The following PRPF6 variants were observed in gnomAD, a reference collection of about 807,000 sequenced individuals.
PRPF6 encodes pre-mRNA-processing factor 6.
PRPF6 carries 42 observed loss-of-function variants against 118.3 expected under a neutral mutation model. That is an observed-to-expected ratio of 0.35 (90% CI 0.28 to 0.46). The LOEUF (loss-of-function observed/expected upper bound fraction) is 0.46. Among genes scored for constraint, PRPF6 ranks in the 20% least tolerant of loss-of-function variants. The pLI is 1.00. For synonymous variants in PRPF6, 481 were observed against 485.1 expected (o/e 0.99, Z 0.11); for missense variants, 662 against 1,255.7 (o/e 0.53, Z 7.15).
intron 12 of PRPF6, 87 bp from the exon 13 acceptor site, chr20:64,022,670 G>C (rs73153145): frequency 0.048 from 75,798 of 1,575,460 alleles, 2,086 homozygotes; most frequent in Non-Finnish European, 0.056. Flanking sequence ...TCATCTTTCA[G>C]AATCGTATGA....
chr20:64,004,476 T>C lies in PRPF6; in HGVS notation c.1186+3237T>C, dbSNP rs1028214114. Among the ~76,000 whole-genome samples the C allele has an allele frequency of 2.6e-5, 4 of 152,226 alleles. No homozygotes were observed. In the East Asian group the frequency reaches 5.8e-4, roughly 22 times the overall value. On this transcript the variant is annotated intron_variant, in intron 9 of 20. Transcript: ENST00000266079. Reference sequence around the variant, plus strand: ...AAGGGTCTGGTTTTTGAAATTAAGATGACAGCTACTTCCACTGGTGACTTA... The same window carrying C: ...AAGGGTCTGGTTTTTGAAATTAAGACGACAGCTACTTCCACTGGTGACTTA...
intron 1 of PRPF6, 24 bp from the exon 2 acceptor site, chr20:63,983,023 C>T (rs770259432): frequency 2.3e-5 from 37 of 1,612,338 alleles, no homozygotes; most frequent in Admixed American, 1.5e-4. Flanking sequence ...TTCAGACACC[C>T]GGTGTCTTGG....
chr20:64,015,621 C>T (rs2059233294), intron 11 of PRPF6, among the ~76,000 whole-genome samples: 2 of 152,194 alleles, frequency 1.3e-5, no homozygotes, highest in African/African-American at 4.8e-5. Flanking sequence ...ATATATTTGT[C>T]ACATGAATGC....
intron 3 of PRPF6, among the ~76,000 whole-genome samples, chr20:63,987,392 A>G (rs989316681): frequency 5.3e-5 from 8 of 151,814 alleles, no homozygotes; most frequent in Admixed American, 4.6e-4. Context: ...CTATAATTTC[A>G]GCTACTCAGG....
At chr20:63,989,861 A>G (rs1202551686) in intron 3 of PRPF6, among the ~76,000 whole-genome samples, 2 of 152,070 alleles carry the variant, frequency 1.3e-5, no homozygotes, top group Non-Finnish European at 2.9e-5. Flanking sequence ...TGTATGTAGA[A>G]TGTTTTATTT....
intron 20 of PRPF6, 132 bp downstream of exon 20, chr20:64,032,176 G>T (rs1010816122): frequency 7.1e-7 from 1 of 1,414,110 alleles, no homozygotes; most frequent in Admixed American, 1.8e-5. Flanking sequence ...TGGACCGGGT[G>T]TGTGGGGCAC....
At chr20:64,009,006 C>T (rs900020146) in intron 9 of PRPF6, among the ~76,000 whole-genome samples, 4 of 151,902 alleles carry the variant, frequency 2.6e-5, no homozygotes, top group Non-Finnish European at 5.9e-5. Context: ...TATTTTAGGT[C>T]GGGCGTGGTG....
chr20:64,024,806 G>T (rs1250522763), intron 14 of PRPF6, 113 bp downstream of exon 14: 2 of 1,450,868 alleles, frequency 1.4e-6, no homozygotes, highest in Non-Finnish European at 1.9e-6. Flanking sequence ...TGTTGTTGGG[G>T]TGCACTGGAG....
chr20:64,004,049 A>G (rs2123034743), intron 9 of PRPF6, among the ~76,000 whole-genome samples: 1 of 152,340 alleles, frequency 6.6e-6, no homozygotes, highest in East Asian at 1.9e-4. Context: ...GTTTACTTAG[A>G]AAAGCTCTAT....
intron 12 of PRPF6, among the ~76,000 whole-genome samples, chr20:64,018,005 C>G (rs137856082): frequency 7.4e-4 from 112 of 152,308 alleles, no homozygotes; most frequent in African/African-American, 2.6e-3. Flanking sequence ...GAGTTTGAAA[C>G]CAGCCTGGGC....
chr20:64,001,979 G>A (rs1190455265), intron 9 of PRPF6, among the ~76,000 whole-genome samples: 1 of 150,486 alleles, frequency 6.6e-6, no homozygotes, highest in Non-Finnish European at 1.5e-5. Flanking sequence ...TGTGCAGGTG[G>A]CTTCTTTTTT....
At position 64,028,430 on chromosome 20, in the gene PRPF6, G is replaced by T. The variant is rs1370833087; in HGVS notation, c.2340-48G>T. ...GGCTTCCCAGAAGCTACCAGAATAT[G>T]TGCTGTTGGTAGACGGCTGTGGGAC... On this transcript the variant is annotated intron_variant, in intron 17 of 20. Transcript: ENST00000266079. The surrounding 1 kb of genome is among the most constrained non-coding windows in gnomAD (Gnocchi z 6.5). 6.3e-7 allele frequency: 1 copy of T among 1,588,996 alleles called. No individual in the cohort carries two copies. Among genetic ancestry groups the T allele is most frequent in the South Asian group, 1.1e-5 (1 of 90,582 alleles).
intron 12 of PRPF6, among the ~76,000 whole-genome samples, chr20:64,019,525 C>T (rs142268584): frequency 5.9e-5 from 9 of 152,306 alleles, no homozygotes; most frequent in African/African-American, 2.2e-4. Context: ...GCTTCCCTCC[C>T]GGACACCAGG....
In PRPF6 at chr20:63,981,207, T is replaced by C. The variant is rs1299161051; in HGVS notation, c.-39T>C. The C allele has an allele frequency of 6.3e-7, 1 of 1,577,050 alleles. No individual in the cohort carries two copies. The highest frequency in any genetic ancestry group is 1.8e-5 in the Admixed American group (1 of 55,358). On this transcript the variant is annotated 5_prime_UTR_variant, in exon 1 of 21. Transcript: ENST00000266079. ...CTGCGTCTTTCCCTCTTCCGCTGCC[T>C]CATTCCTTTCCTTCCTAGCCTTGGT...
chr20:63,989,709 T>G lies in PRPF6; in HGVS notation c.360-3698T>G, dbSNP rs574746909. ...TTTTGTATTTTAGTAGAGACGGGGT[T>G]TCACCATGTTGGCCAGGATGGTCTC... On this transcript the variant is annotated intron_variant, in intron 3 of 20. Transcript: ENST00000266079. Among the ~76,000 whole-genome samples, 32 of 151,880 alleles carry G rather than the reference T, an allele frequency of 2.1e-4. 2 individuals carry two copies. The South Asian group carries it at 6.7e-3, about 32-fold the overall frequency.
chr20:64,027,840 G>A lies in PRPF6; in HGVS notation c.2339+104G>A. ...TGGAGTCACTCGTGCAGTGCTTCCA[G>A]GCTCAGGGGCTTGGGGGGCGGTAGG... On this transcript the variant is annotated intron_variant, in intron 17 of 20. Transcript: ENST00000266079. This position sits in a 1 kb window ranked among gnomAD's most constrained non-coding sequence, Gnocchi z 6.5. The A allele has an allele frequency of 6.6e-7, 1 of 1,519,384 alleles. No individual in the cohort carries two copies. Among genetic ancestry groups the A allele is most frequent in the Non-Finnish European group, 9.1e-7 (1 of 1,098,236 alleles). 94.1% of individuals were successfully genotyped at this position (1,519,384 alleles called of 1,614,324 possible).
In PRPF6 at chr20:64,011,807, G is replaced by A. The variant is rs1204576523; in HGVS notation, c.1524+304G>A. 8.3e-6 allele frequency among the ~76,000 whole-genome samples: 1 copy of A among 121,068 alleles called. No individual in the cohort carries two copies. Among genetic ancestry groups the A allele is most frequent in the Non-Finnish European group, 1.8e-5 (1 of 56,074 alleles). The allele number at this position is 121,068 out of a possible 152,430, so 79.4% of individuals were successfully genotyped here. A position where few individuals can be genotyped will look rare whatever the true frequency, so the allele number is the denominator to read the frequency against. ...CGAGAGGAGGACAGGAAGTCTCATG[G>A]CTTCTTTCTTTGCTAGTAGAAATGA... On this transcript the variant is annotated intron_variant, in intron 11 of 20. Coordinates refer to ENST00000266079, the MANE Select transcript of PRPF6 (RefSeq NM_012469.4). This position sits in a 1 kb window ranked among gnomAD's most constrained non-coding sequence, Gnocchi z 6.7.
At chr20:63,983,025 G>T in intron 1 of PRPF6, 22 bp from the exon 2 acceptor site, 3 of 1,613,050 alleles carry the variant, frequency 1.9e-6, no homozygotes, top group Non-Finnish European at 2.5e-6. Context: ...CAGACACCCG[G>T]TGTCTTGGGG....
At position 64,028,503 on chromosome 20, in the gene PRPF6, C is replaced by T. The variant is rs1229221676; in HGVS notation, c.2365C>T (p.Arg789Cys). 7 of 1,613,788 alleles carry T rather than the reference C, an allele frequency of 4.3e-6. No individual in the cohort carries two copies. Among genetic ancestry groups the T allele is most frequent in the East Asian group, 2.2e-5 (1 of 44,886 alleles). The change falls in exon 18 of 21, where the codon CGT becomes TGT. Residue 789 changes from arginine to cysteine, a missense_variant. Coordinates refer to ENST00000266079, the MANE Select transcript of PRPF6 (RefSeq NM_012469.4). This position sits in a 1 kb window ranked among gnomAD's most constrained non-coding sequence, Gnocchi z 6.5. ...GTTGGAGTCCGTGCGGCTGGAGTAC[C>T]GTGCGGGGCTGAAGAACATCGCAAA... ...LWLESVRLEY[R>C]AGLKNIANTL...
Sources: gnomAD v4.1 joint callset for allele counts (sites outside exome capture counted in the v4.1 genomes callset) on GRCh38, gnomAD v4.1.1 for gene constraint, Gnocchi (gnomAD v3.1) non-coding constraint, MANE v1.5 for transcripts, NCBI Gene and HGNC (gene_info 2026-07-23, HGNC 2026-07-21) for gene names.